HMCN1: variants seen among roughly 807,000 people sequenced by gnomAD.
HMCN1 encodes the protein hemicentin 1.
HMCN1 carries 321 observed loss-of-function variants against 625.9 expected under a neutral mutation model. The ratio of observed to expected loss-of-function variants is 0.51; its 90% CI spans 0.47 to 0.56. HMCN1 has a LOEUF of 0.56. Among genes scored for constraint, HMCN1 ranks in the 20% least tolerant of loss-of-function variants. HMCN1 has a pLI of 0.00. For synonymous variants in HMCN1, 2,425 were observed against 2,417.6 expected (o/e 1.00, Z -0.09); for missense variants, 6,588 against 6,887.3 (o/e 0.96, Z 1.54).
chr1:185,756,187 T>C (rs1197550530), intron 1 of HMCN1, among the ~76,000 whole-genome samples: 7 of 152,154 alleles, frequency 4.6e-5, no homozygotes, highest in Non-Finnish European at 1.0e-4. Context: ...AGGATAACCA[T>C]GGTGAAATTT....
At chr1:185,877,942 A>C (rs1159719685) in intron 4 of HMCN1, among the ~76,000 whole-genome samples, 3 of 151,680 alleles carry the variant, frequency 2.0e-5, no homozygotes. Flanking sequence ...CTTTGTCCCC[A>C]TTGGTTCTCA....
chr1:185,906,044 T>C (rs993056536), intron 4 of HMCN1, among the ~76,000 whole-genome samples: 2 of 151,798 alleles, frequency 1.3e-5, no homozygotes, highest in African/African-American at 4.8e-5. Flanking sequence ...TCTCACATTA[T>C]TCTAGTTTTA....
At chr1:186,039,033 C>T in intron 38 of HMCN1, 28 bp downstream of exon 38, 1 of 1,493,522 alleles carries the variant, frequency 6.7e-7, no homozygotes, top group South Asian at 1.1e-5. Context: ...TAGATTCATT[C>T]TGGGGTAAAG....
intron 1 of HMCN1, among the ~76,000 whole-genome samples, chr1:185,832,237 A>G (rs1251488267): frequency 6.6e-6 from 1 of 151,524 alleles, no homozygotes; most frequent in African/African-American, 2.4e-5. Context: ...CAGAGGCTGC[A>G]GTAAGCCGAG....
intron 16 of HMCN1, among the ~76,000 whole-genome samples, chr1:185,979,185 C>G (rs1236187654): frequency 6.6e-6 from 1 of 152,032 alleles, no homozygotes; most frequent in Non-Finnish European, 1.5e-5. Context: ...AAGTACACAT[C>G]AGATTGGGTC....
intron 15 of HMCN1, among the ~76,000 whole-genome samples, chr1:185,976,203 T>A (rs1222651712): frequency 6.6e-6 from 1 of 152,124 alleles, no homozygotes; most frequent in Admixed American, 6.6e-5. Context: ...GGAGGGGCCT[T>A]TTAAACCAGA....
intron 4 of HMCN1, among the ~76,000 whole-genome samples, chr1:185,879,103 T>G: frequency 6.6e-6 from 1 of 152,208 alleles, no homozygotes; most frequent in South Asian, 2.1e-4. Context: ...TCCATTCTAT[T>G]TTCATAATTG....
intron 37 of HMCN1, among the ~76,000 whole-genome samples, 172 bp from the exon 38 acceptor site, chr1:186,038,657 T>C (rs967639430): frequency 6.6e-5 from 10 of 152,182 alleles, no homozygotes; most frequent in Non-Finnish European, 4.4e-5. Context: ...TTGGTGTTTT[T>C]CTAAGGGTTA....
chr1:186,083,499 C>CAAAA (rs1659296901), intron 57 of HMCN1, among the ~76,000 whole-genome samples: 1 of 30,592 alleles, frequency 3.3e-5, no homozygotes, highest in African/African-American at 5.4e-4. Flanking sequence ...CCACTTTTTG[C>CAAAA]TAAAAAAAAA....
At chr1:186,002,616 G>A (rs61829932) in intron 28 of HMCN1, among the ~76,000 whole-genome samples, 8 of 151,936 alleles carry the variant, frequency 5.3e-5, no homozygotes, top group African/African-American at 1.9e-4. Context: ...GTACTTGTCC[G>A]CTCCCTTGAC....
chr1:186,083,041 A>T, intron 57 of HMCN1, 80 bp downstream of exon 57: 1 of 718,924 alleles, frequency 1.4e-6, no homozygotes, highest in Non-Finnish European at 2.3e-6. Context: ...ATGTAGGCTT[A>T]TTTTGTATTT....
chr1:185,812,546 G>C (rs1051055414), intron 1 of HMCN1, among the ~76,000 whole-genome samples: 1 of 152,102 alleles, frequency 6.6e-6, no homozygotes, highest in Non-Finnish European at 1.5e-5. Flanking sequence ...AGTGAAAATT[G>C]TAAGTATGAT....
chr1:186,087,265 A>C lies in HMCN1; in HGVS notation c.9095A>C (p.Glu3032Ala). 1 of 1,613,310 alleles carries C rather than the reference A, an allele frequency of 6.2e-7. No individual in the cohort carries two copies. Among genetic ancestry groups the C allele is most frequent in the Non-Finnish European group, 8.5e-7 (1 of 1,179,464 alleles). The stretch of plus-strand genomic sequence containing the variant: ...CGGGCCAAGGTATCAGATGGTGGTG[A>C]ATACACTTGTATAGCTATCAATCAA... The part of the protein sequence containing the change: ...IIRAKVSDGG[E>A]YTCIAINQAG... Residue 3032 changes from glutamate to alanine, a missense_variant, in exon 59 of 107, where the codon GAA becomes GCA. Glu to Ala is a moderately radical substitution (Grantham distance 107, BLOSUM62 -1). This residue lies in a region of HMCN1 where 4,628 missense variants were observed against 4,853.1 expected (regional missense o/e 0.95). Coordinates refer to ENST00000271588, the MANE Select transcript of HMCN1 (RefSeq NM_031935.3).
rs181780011 is a variant in HMCN1, at chr1:186,066,935, G to C, written c.7706-899G>C. On this transcript the variant is annotated intron_variant, in intron 49 of 106. Coordinates refer to ENST00000271588, the MANE Select transcript of HMCN1 (RefSeq NM_031935.3). ...AAGAAACTTTTAAAAATGTATACCT[G>C]TAACCCAGATCTTTCTTGCAAGGTT... 3.9e-5 allele frequency among the ~76,000 whole-genome samples: 6 copies of C among 152,198 alleles called. No individual in the cohort carries two copies. The East Asian group carries it at 1.2e-3, about 29-fold the overall frequency.
intron 29 of HMCN1, among the ~76,000 whole-genome samples, chr1:186,004,382 G>A (rs534717138): frequency 1.3e-5 from 2 of 152,122 alleles, no homozygotes; most frequent in Admixed American, 6.6e-5. Context: ...TAGTTTCTGG[G>A]AACAGATATC....
chr1:186,104,908 AT>A (rs1436903387), intron 69 of HMCN1, among the ~76,000 whole-genome samples: 2 of 152,250 alleles, frequency 1.3e-5, no homozygotes, highest in Non-Finnish European at 2.9e-5. Context: ...AGGCAAAAGA[AT>A]TTGTGACATT....
Position 186,189,756 on chromosome 1 carries a change from C to T in HMCN1, c.16786C>T (p.Pro5596Ser). 3 of 1,613,670 alleles carry T rather than the reference C, an allele frequency of 1.9e-6. No homozygotes were observed. The highest frequency in any genetic ancestry group is 2.5e-6 in the Non-Finnish European group (3 of 1,179,818). ...GAAAGGAGTGGTGTATACAACACGACCACTACGAGAAGCAGAGACCTACCG... is the reference window on the plus strand; with the variant it reads ...GAAAGGAGTGGTGTATACAACACGATCACTACGAGAAGCAGAGACCTACCG... ...NLKGVVYTTRPLREAETYRMR... is the reference protein window; with the variant it reads ...NLKGVVYTTRSLREAETYRMR... The change falls in exon 107 of 107, where the codon CCA becomes TCA. Residue 5596 changes from proline (P) to serine (S), a missense_variant. Coordinates refer to ENST00000271588, the MANE Select transcript of HMCN1 (RefSeq NM_031935.3).
chr1:185,951,807 G>T (rs917605716), intron 11 of HMCN1, among the ~76,000 whole-genome samples: 2 of 151,814 alleles, frequency 1.3e-5, no homozygotes, highest in South Asian at 4.1e-4. Context: ...TGGCTGCTGC[G>T]GTTCAGGCAT....
At chr1:185,978,061 TTAAAA>T (rs1384417673) in intron 16 of HMCN1, 80 bp downstream of exon 16, 28 of 1,011,458 alleles carry the variant, frequency 2.8e-5, no homozygotes, top group Middle Eastern at 2.7e-4. Flanking sequence ...GTATTGCTAT[TTAAAA>T]TAGTATATTA....
Sources: allele counts gnomAD v4.1 joint callset (sites outside exome capture counted in the v4.1 genomes callset), GRCh38; gene constraint gnomAD v4.1.1; regional missense constraint gnomAD v4.1.1; transcripts MANE v1.5; gene names NCBI Gene and HGNC (gene_info 2026-07-23, HGNC 2026-07-21).